The following NDRG1 variants were observed in gnomAD, a reference collection of about 807,000 sequenced individuals.
NDRG1 encodes the protein protein NDRG1.
A neutral mutation model predicts 56.9 loss-of-function variants in NDRG1; 32 were observed. The observed-to-expected ratio is 0.56, with a 90% CI of 0.42 to 0.76. NDRG1 has a LOEUF of 0.76. NDRG1 is among the 30% of genes least tolerant of loss of function. NDRG1 has a pLI of 0.00. For missense variants in NDRG1, 507 were observed against 545.7 expected (o/e 0.93, Z 0.71); for synonymous variants, 211 against 204.1 (o/e 1.03, Z -0.29).
At chr8:133,256,710 C>G in intron 8 of NDRG1, 67 bp downstream of exon 8, 4 of 1,481,390 alleles carry the variant, frequency 2.7e-6, no homozygotes, top group Non-Finnish European at 3.7e-6. Context: ...ATCCCCCAGG[C>G]AGAGGCTGTG....
At chr8:133,282,016 T>G (rs1036427337) in intron 2 of NDRG1, among the ~76,000 whole-genome samples, 6 of 152,208 alleles carry the variant, frequency 3.9e-5, no homozygotes, top group Non-Finnish European at 7.3e-5. Flanking sequence ...AATACTTTGC[T>G]GAGTCAATCT....
At chr8:133,251,967 C>T (rs531769427) in intron 9 of NDRG1, among the ~76,000 whole-genome samples, 114 of 152,272 alleles carry the variant, frequency 7.5e-4, no homozygotes, top group South Asian at 4.6e-3. Context: ...CAAGGAATGC[C>T]GACAGCGACC....
chr8:133,296,609 C>G, intron 1 of NDRG1: 1 of 451,914 alleles, frequency 2.2e-6, no homozygotes, highest in Non-Finnish European at 4.5e-6. Flanking sequence ...CCACGCCCCC[C>G]TCTCCAGCCT....
chr8:133,248,130 AGG>A lies in NDRG1; in HGVS notation c.756-206_756-205del, dbSNP rs558613232. ...TCACAACTTAGTATGAATTTCAGCC[AGG>A]GAATTTCTGTGACTCAGTGCTTTTG... On this transcript the variant is annotated intron_variant, in intron 11 of 15. Transcript: ENST00000323851. Among the ~76,000 whole-genome samples the A allele has an allele frequency of 3.0e-4, 45 of 152,352 alleles. No individual in the cohort carries two copies. The South Asian group carries it at 7.0e-3, about 24-fold the overall frequency.
intron 1 of NDRG1, among the ~76,000 whole-genome samples, chr8:133,289,411 A>G (rs974115095): frequency 1.3e-5 from 2 of 152,170 alleles, no homozygotes; most frequent in Admixed American, 1.3e-4. Context: ...CCTGGGTTTC[A>G]GTCCTAGAGT....
intron 3 of NDRG1, among the ~76,000 whole-genome samples, chr8:133,278,215 G>GC (rs1857567716): frequency 6.6e-6 from 1 of 152,118 alleles, no homozygotes; most frequent in Non-Finnish European, 1.5e-5. Context: ...AATAACCAAG[G>GC]CCATGGTGCT....
At chr8:133,293,789 C>T (rs760894946) in intron 1 of NDRG1, among the ~76,000 whole-genome samples, 115 of 152,166 alleles carry the variant, frequency 7.6e-4, no homozygotes, top group Non-Finnish European at 1.1e-3. Flanking sequence ...GAGAGAGAAT[C>T]GCAGGAGACC....
chr8:133,255,060 A>C (rs1237274785), intron 8 of NDRG1: 3 of 339,092 alleles, frequency 8.8e-6, no homozygotes, highest in Non-Finnish European at 1.8e-5. Flanking sequence ...ATTACCAAAG[A>C]CACTGACAAT....
chr8:133,263,387 G>T (rs1415742586), intron 4 of NDRG1, among the ~76,000 whole-genome samples: 1 of 152,148 alleles, frequency 6.6e-6, no homozygotes, highest in Admixed American at 6.5e-5. Flanking sequence ...CAATACTCAA[G>T]TTCATAAAAA....
intron 15 of NDRG1, 76 bp from the exon 16 acceptor site, chr8:133,239,195 C>T (rs1855245446): frequency 1.3e-6 from 2 of 1,542,784 alleles, no homozygotes; most frequent in Non-Finnish European, 1.7e-6. Flanking sequence ...GTCCACCAGC[C>T]ACATGCTCTT....
At chr8:133,279,257 A>C (rs1459247012) in intron 3 of NDRG1, among the ~76,000 whole-genome samples, 30 of 152,160 alleles carry the variant, frequency 2.0e-4, no homozygotes, top group Non-Finnish European at 1.5e-5. Flanking sequence ...ATGATGAGAA[A>C]ATACACACCT....
intron 12 of NDRG1, among the ~76,000 whole-genome samples, 190 bp downstream of exon 12, chr8:133,247,685 G>T (rs748512222): frequency 6.6e-6 from 1 of 152,232 alleles, no homozygotes; most frequent in East Asian, 1.9e-4. Context: ...AAGCAACCAG[G>T]GCTGGCAGCC....
chr8:133,278,649 C>G (rs1857592702), intron 3 of NDRG1, among the ~76,000 whole-genome samples: 2 of 152,156 alleles, frequency 1.3e-5, no homozygotes, highest in Non-Finnish European at 2.9e-5. Context: ...AAAAATAAAG[C>G]TAATGGTGCC....
intron 1 of NDRG1, among the ~76,000 whole-genome samples, chr8:133,293,660 C>A (rs1858558833): frequency 1.3e-5 from 2 of 152,182 alleles, no homozygotes; most frequent in South Asian, 2.1e-4. Flanking sequence ...TATGACTACA[C>A]CTTCCTTCTT....
chr8:133,258,388 G>T lies in NDRG1; in HGVS notation c.428C>A (p.Ala143Asp), dbSNP rs1212719454. 6.2e-7 allele frequency: 1 copy of T among 1,612,178 alleles called. No homozygotes were observed. The change falls in exon 7 of 16, where the codon GCC (alanine) becomes GAC (aspartate). Residue 143 changes from alanine (A) to aspartate (D), a missense_variant. Coordinates refer to ENST00000323851, the MANE Select transcript of NDRG1 (RefSeq NM_006096.4). ...CACAGCAAATCGAGTTAGGATGTAGGCGCCTGCTCCTGTTCCCATGCCAAT... is the reference window on the plus strand; with the variant it reads ...CACAGCAAATCGAGTTAGGATGTAGTCGCCTGCTCCTGTTCCCATGCCAAT... ...SIIGMGTGAG[A>D]YILTRFALNN...
rs747293359 is a variant in NDRG1 at position 133,247,888 on chromosome 8, G to GCA, written c.792_793dup (p.Ala265ValfsTer57). 1 of 1,614,120 alleles carries GCA rather than the reference G, an allele frequency of 6.2e-7. No individual in the cohort carries two copies. Among genetic ancestry groups the GCA allele is most frequent in the South Asian group, 1.1e-5 (1 of 91,080 alleles). On this transcript the variant is annotated frameshift_variant, in exon 12 of 16. Transcript: ENST00000323851. LOFTEE classifies it high-confidence loss of function. Reference sequence around the variant, plus strand: ...ATTTCTACATACCACGGCATCCACTGCAGGCGAGCTGTCCCCAACCACCAA... The same window carrying GCA: ...ATTTCTACATACCACGGCATCCACTGCACAGGCGAGCTGTCCCCAACCACCAA...
At chr8:133,261,476 AAT>A (rs1391015865) in intron 5 of NDRG1, among the ~76,000 whole-genome samples, 3 of 152,174 alleles carry the variant, frequency 2.0e-5, no homozygotes, top group African/African-American at 7.2e-5. Flanking sequence ...TCCATGCCTC[AAT>A]ATGTTTGTCT....
chr8:133,269,347 G>A (rs1295697509), intron 3 of NDRG1, among the ~76,000 whole-genome samples: 1 of 152,168 alleles, frequency 6.6e-6, no homozygotes, highest in African/African-American at 2.4e-5. Flanking sequence ...ACAAGAGGAT[G>A]AAAAGACAAA....
chr8:133,268,668 C>T (rs542085407), intron 3 of NDRG1, among the ~76,000 whole-genome samples: 1 of 152,280 alleles, frequency 6.6e-6, no homozygotes, highest in South Asian at 2.1e-4. Context: ...GTTGAAGGGA[C>T]TCTCCCAAGG....
Sources: allele counts gnomAD v4.1 joint callset (sites outside exome capture counted in the v4.1 genomes callset), GRCh38; gene constraint gnomAD v4.1.1; transcripts MANE v1.5; gene names NCBI Gene and HGNC (gene_info 2026-07-23, HGNC 2026-07-21).